The following ARHGEF19 variants were observed in gnomAD, a reference collection of about 807,000 sequenced individuals.
ARHGEF19 encodes the protein Rho guanine nucleotide exchange factor (GEF) 19.
ARHGEF19 carries 92 observed loss-of-function variants against 87.6 expected under a neutral mutation model. The ratio of observed to expected loss-of-function variants is 1.05; its 90% CI spans 0.89 to 1.25. ARHGEF19 has a LOEUF of 1.25. Ranked by LOEUF, ARHGEF19 falls within the 50% of genes most tolerant of loss-of-function variation. ARHGEF19 has a pLI of 0.00. For synonymous variants in ARHGEF19, 438 were observed against 446.2 expected, an observed-to-expected ratio of 0.98 and a Z score of 0.23; for missense variants, 1,054 against 1,051.8, an observed-to-expected ratio of 1.00 and a Z score of -0.03.
In ARHGEF19 at chr1:16,201,789, C is replaced by G. The variant is rs113595914; in HGVS notation, c.2139G>C (p.Glu713Asp). ...SPQEDKEVISEGEDCPQVQCV... is the reference protein window; with the variant it reads ...SPQEDKEVISDGEDCPQVQCV... ...GCAGGGATGAGCTACTACCTTCCCC[C>G]TCACTGATGACCTCCTTGTCCTCCT... is the stretch of plus-strand genomic sequence containing the variant. The change falls in exon 14 of 16, where the codon GAG becomes GAC. Residue 713 changes from glutamate (E) to aspartate (D), a missense_variant. Physicochemically the swap from Glu to Asp is conservative, Grantham distance 45 (BLOSUM62 2). Coordinates refer to ENST00000270747, the MANE Select transcript of ARHGEF19 (RefSeq NM_153213.5). The G allele has an allele frequency of 6.2e-7, 1 of 1,613,716 alleles. No individual in the cohort carries two copies. Among genetic ancestry groups the G allele is most frequent in the Non-Finnish European group, 8.5e-7 (1 of 1,179,760 alleles).
At position 16,199,149 on chromosome 1, in the gene ARHGEF19, C is replaced by T. The variant is rs1050612302; in HGVS notation, c.2251+1G>A. 16 of 1,614,004 alleles carry T rather than the reference C, an allele frequency of 9.9e-6. No homozygotes were observed. The highest frequency in any genetic ancestry group is 1.4e-5 in the Non-Finnish European group (16 of 1,179,922). On this transcript the variant is annotated splice_donor_variant, in intron 15 of 15. Coordinates refer to ENST00000270747, the MANE Select transcript of ARHGEF19 (RefSeq NM_153213.5). LOFTEE classifies it high-confidence loss of function. Reference sequence around the variant, plus strand: ...GACACTTTCCCAGGAGGCCCCCTCACCGTCACTGGTCCAGGTCCTCACTGA... The same window carrying T: ...GACACTTTCCCAGGAGGCCCCCTCATCGTCACTGGTCCAGGTCCTCACTGA...
At position 16,206,950 on chromosome 1, in the gene ARHGEF19, C is replaced by T; in HGVS notation, c.1135G>A (p.Glu379Lys). Residue 379 changes from glutamate (E) to lysine (K), a missense_variant and splice_region_variant, in exon 6 of 16, where the codon GAG becomes AAG. By Grantham distance (56) the Glu-to-Lys change is moderately conservative. Transcript: ENST00000270747. This position sits in a 1 kb window ranked among gnomAD's most constrained non-coding sequence, Gnocchi z 4.6. The stretch of plus-strand genomic sequence containing the variant: ...GCCGGGTCCCCGCGCGCGCCCACCT[C>T]CTGCAGCTTGCAGTCCCGCAGGCTC... Reference protein sequence around the residue: ...TLSLRDCKLQEAKFELITSEA... With the variant: ...TLSLRDCKLQKAKFELITSEA... 6.7e-7 allele frequency: 1 copy of T among 1,489,294 alleles called. No individual in the cohort carries two copies. Among genetic ancestry groups the T allele is most frequent in the South Asian group, 1.3e-5 (1 of 79,022 alleles). 92.3% of individuals were successfully genotyped at this position (1,489,294 alleles called of 1,614,324 possible).
chr1:16,207,902 C>CCGCCACA lies in ARHGEF19; in HGVS notation c.694+41_694+42insTGTGGCG. 1 of 1,574,838 alleles carries CCGCCACA rather than the reference C, an allele frequency of 6.3e-7. No individual in the cohort carries two copies. The highest frequency in any genetic ancestry group is 8.6e-7 in the Non-Finnish European group (1 of 1,159,220). On this transcript the variant is annotated intron_variant, in intron 3 of 15. Coordinates refer to ENST00000270747, the MANE Select transcript of ARHGEF19 (RefSeq NM_153213.5). This position sits in a 1 kb window ranked among gnomAD's most constrained non-coding sequence, Gnocchi z 4.0. The stretch of plus-strand genomic sequence containing the variant: ...GGCATCGCCCACCCCCACCCCCACC[C>CCGCCACA]GGCATCTGGCTGCCCTCAGGGCCCA...
chr1:16,200,543 G>A (rs948746523), intron 14 of ARHGEF19, among the ~76,000 whole-genome samples: 32 of 152,242 alleles, frequency 2.1e-4, no homozygotes, highest in African/African-American at 7.7e-4. Flanking sequence ...AGGAGTTCGA[G>A]ACCAGCCATG....
At position 16,207,257 on chromosome 1, in the gene ARHGEF19, C is replaced by A; in HGVS notation, c.875-47G>T. 1 of 1,467,046 alleles carries A rather than the reference C, an allele frequency of 6.8e-7. No homozygotes were observed. The allele number at this position is 1,467,046 out of a possible 1,614,324, so 90.9% of individuals were successfully genotyped here. On this transcript the variant is annotated intron_variant, in intron 5 of 15. Coordinates refer to ENST00000270747, the MANE Select transcript of ARHGEF19 (RefSeq NM_153213.5). This position sits in a 1 kb window ranked among gnomAD's most constrained non-coding sequence, Gnocchi z 4.0. ...GAGAGCGTGGGGCGCCCGCCAGCCC[C>A]TGCCCGGCTTTTCCTCGGTTCCCTC...
intron 1 of ARHGEF19, among the ~76,000 whole-genome samples, chr1:16,210,825 A>G (rs925935641): frequency 1.3e-5 from 2 of 152,170 alleles, no homozygotes; most frequent in African/African-American, 2.4e-5. Context: ...TACATAGTGC[A>G]CTTAGAGGGA....
intron 1 of ARHGEF19, among the ~76,000 whole-genome samples, chr1:16,210,679 T>C (rs74054956): frequency 0.062 from 9,397 of 152,068 alleles, 958 homozygotes; most frequent in African/African-American, 0.21. Context: ...GAGCCAAAAA[T>C]GAAAACAGTT....
Position 16,206,524 on chromosome 1 carries a change from T to G in ARHGEF19, c.1138-184A>C. On this transcript the variant is annotated intron_variant, in intron 6 of 15. Transcript: ENST00000270747. The surrounding 1 kb of genome is among the most constrained non-coding windows in gnomAD (Gnocchi z 4.6). ...CCGCCGCGGGAAATTGTGCAAGCCT[T>G]TCCTGTCCTCGATCCCGCCCCTCTC... is the stretch of plus-strand genomic sequence containing the variant. 1 of 663,004 alleles carries G rather than the reference T, an allele frequency of 1.5e-6. No homozygotes were observed. Among genetic ancestry groups the G allele is most frequent in the Non-Finnish European group, 2.6e-6 (1 of 383,150 alleles). 41.1% of individuals were successfully genotyped at this position (663,004 alleles called of 1,614,324 possible). A position where few individuals can be genotyped will look rare whatever the true frequency, so the allele number is the denominator to read the frequency against.
chr1:16,207,038 G>A lies in ARHGEF19; in HGVS notation c.1047C>T (p.Gly349=). ...TATCCTGCCACAGCGAGAAGGTGGA[G>A]CCTCGCGCCGAGCGCTGCGCCCGGA... ...SSFRAQRSAR[G]STFSLWQDIP... The change falls in exon 6 of 16, where the codon GGC becomes GGT. Residue 349 remains glycine (G), a synonymous_variant. Transcript: ENST00000270747. This position sits in a 1 kb window ranked among gnomAD's most constrained non-coding sequence, Gnocchi z 4.0. 6.6e-7 allele frequency: 1 copy of A among 1,510,674 alleles called. No individual in the cohort carries two copies. The highest frequency in any genetic ancestry group is 1.2e-5 in the South Asian group (1 of 80,316). 93.6% of individuals were successfully genotyped at this position (1,510,674 alleles called of 1,614,324 possible). A position where few individuals can be genotyped will look rare whatever the true frequency, so the allele number is the denominator to read the frequency against.
In ARHGEF19 at chr1:16,201,715, G is replaced by T. The variant is rs906104030; in HGVS notation, c.2146+67C>A. The T allele has an allele frequency of 1.3e-5, 20 of 1,534,530 alleles. No homozygotes were observed. In the African/African-American group the frequency reaches 2.6e-4, roughly 20 times the overall value. On this transcript the variant is annotated intron_variant, in intron 14 of 15. Transcript: ENST00000270747. ...GCCCTGCCAGCAACACAGCACCCAG[G>T]ATGGGAGGGGAGGAGAGCGGGCGAG...
At position 16,205,985 on chromosome 1, in the gene ARHGEF19, T is replaced by C. The variant is rs779025536; in HGVS notation, c.1397A>G (p.Tyr466Cys). The C allele has an allele frequency of 3.1e-6, 5 of 1,610,944 alleles. No individual in the cohort carries two copies. Among genetic ancestry groups the C allele is most frequent in the East Asian group, 4.5e-5 (2 of 44,792 alleles). Residue 466 changes from tyrosine to cysteine, a missense_variant, in exon 8 of 16, where the codon TAC becomes TGC. Transcript: ENST00000270747. This position sits in a 1 kb window ranked among gnomAD's most constrained non-coding sequence, Gnocchi z 5.8. Reference sequence around the variant, plus strand: ...GGCCTGGTTGGTGACATAGGGCAGGTAGACTCTGCGGAAGGCCGGGCAGTG... The same window carrying C: ...GGCCTGGTTGGTGACATAGGGCAGGCAGACTCTGCGGAAGGCCGGGCAGTG... The part of the protein sequence containing the change: ...LDHCPAFRRV[Y>C]LPYVTNQAYQ...
chr1:16,207,393 T>C lies in ARHGEF19; in HGVS notation c.874+129A>G. 1 of 1,357,236 alleles carries C rather than the reference T, an allele frequency of 7.4e-7. No individual in the cohort carries two copies. The highest frequency in any genetic ancestry group is 1.4e-5 in the South Asian group (1 of 72,268). 84.1% of individuals were successfully genotyped at this position (1,357,236 alleles called of 1,614,324 possible). On this transcript the variant is annotated intron_variant, in intron 5 of 15. Coordinates refer to ENST00000270747, the MANE Select transcript of ARHGEF19 (RefSeq NM_153213.5). The surrounding 1 kb of genome is among the most constrained non-coding windows in gnomAD (Gnocchi z 4.0). ...AATTGAGCACCTACTGAGTGCTAGATACCGACAGTTCCATTCTCCGTTTCT... is the reference window on the plus strand; with the variant it reads ...AATTGAGCACCTACTGAGTGCTAGACACCGACAGTTCCATTCTCCGTTTCT...
rs537365080 is a variant in ARHGEF19, at chr1:16,208,344, C to T, written c.413-119G>A. ...CAGGCACCATGCCCAAGGGAAGGGC[C>T]TGTGTTTCTGCTAGCATCTGGTCCC... is the stretch of plus-strand genomic sequence containing the variant. On this transcript the variant is annotated intron_variant, in intron 2 of 15. Coordinates refer to ENST00000270747, the MANE Select transcript of ARHGEF19 (RefSeq NM_153213.5). The T allele has an allele frequency of 9.3e-6, 12 of 1,294,784 alleles. No individual in the cohort carries two copies. The East Asian group carries it at 1.8e-4, about 19-fold the overall frequency. 80.2% of individuals were successfully genotyped at this position (1,294,784 alleles called of 1,614,324 possible). A position where few individuals can be genotyped will look rare whatever the true frequency, so the allele number is the denominator to read the frequency against.
chr1:16,205,245 T>C lies in ARHGEF19; in HGVS notation c.1657-69A>G. 2 of 1,596,406 alleles carry C rather than the reference T, an allele frequency of 1.3e-6. No individual in the cohort carries two copies. Among genetic ancestry groups the C allele is most frequent in the Admixed American group, 3.5e-5 (2 of 57,356 alleles). ...GCTCCCAGAGCCCAGCCTCAGACTC[T>C]TGCCTGGGGACCGGAGACTCTGACA... On this transcript the variant is annotated intron_variant, in intron 10 of 15. Coordinates refer to ENST00000270747, the MANE Select transcript of ARHGEF19 (RefSeq NM_153213.5). This position sits in a 1 kb window ranked among gnomAD's most constrained non-coding sequence, Gnocchi z 5.8.
rs2081149772 is a variant in ARHGEF19, at chr1:16,207,344, ATTC to A, written c.875-137_875-135del. 3.8e-6 allele frequency: 5 copies of A among 1,327,170 alleles called. No homozygotes were observed. The African/African-American group carries it at 4.4e-5, about 12-fold the overall frequency. 82.2% of individuals were successfully genotyped at this position (1,327,170 alleles called of 1,614,324 possible). On this transcript the variant is annotated intron_variant, in intron 5 of 15. Transcript: ENST00000270747. This position sits in a 1 kb window ranked among gnomAD's most constrained non-coding sequence, Gnocchi z 4.0. ...ATATCTGGACACAGTGAATTCATTC[ATTC>A]ATTCATTCATTCCATAAACAAATTG...
Position 16,206,985 on chromosome 1 carries a change from A to C in ARHGEF19, c.1100T>G (p.Leu367Arg). 6.6e-7 allele frequency: 1 copy of C among 1,508,738 alleles called. No individual in the cohort carries two copies. Among genetic ancestry groups the C allele is most frequent in the Non-Finnish European group, 8.8e-7 (1 of 1,133,394 alleles). The allele number at this position is 1,508,738 out of a possible 1,614,324, so 93.5% of individuals were successfully genotyped here. Residue 367 changes from leucine to arginine, a missense_variant, in exon 6 of 16, where the codon CTG becomes CGG. Leu to Arg is a moderately radical substitution (Grantham distance 102). Transcript: ENST00000270747. The surrounding 1 kb of genome is among the most constrained non-coding windows in gnomAD (Gnocchi z 4.6). ...GCAGTCCCGCAGGCTCAGCGTGGCC[A>C]GGACGCCGCTGCCGCGTACGTCGGG... ...DIPDVRGSGV[L>R]ATLSLRDCKL...
intron 12 of ARHGEF19, among the ~76,000 whole-genome samples, chr1:16,202,815 G>A (rs1158250556): frequency 1.3e-5 from 2 of 152,190 alleles, no homozygotes; most frequent in African/African-American, 4.8e-5. Context: ...TGAGCCCCAA[G>A]CACACTTTTG....
At position 16,206,893 on chromosome 1, in the gene ARHGEF19, G is replaced by A. The variant is rs1471976124; in HGVS notation, c.1137+55C>T. 20 of 1,392,670 alleles carry A rather than the reference G, an allele frequency of 1.4e-5. No individual in the cohort carries two copies. Among genetic ancestry groups the A allele is most frequent in the Non-Finnish European group, 1.8e-5 (20 of 1,082,962 alleles). The allele number at this position is 1,392,670 out of a possible 1,614,324, so 86.3% of individuals were successfully genotyped here. On this transcript the variant is annotated intron_variant, in intron 6 of 15. Transcript: ENST00000270747. This position sits in a 1 kb window ranked among gnomAD's most constrained non-coding sequence, Gnocchi z 4.6. ...ATGGCCCGGTTCCCGCTAAGTCCCC[G>A]GACCGCGTACTCCCCGGCCCGCCCC...
Position 16,206,591 on chromosome 1 carries a change from C to CA in ARHGEF19, c.1138-252_1138-251insT. 2 of 449,176 alleles carry CA rather than the reference C, an allele frequency of 4.5e-6. No individual in the cohort carries two copies. The highest frequency in any genetic ancestry group is 7.7e-6 in the Non-Finnish European group (2 of 259,210). The allele number at this position is 449,176 out of a possible 1,614,324, so 27.8% of individuals were successfully genotyped here. On this transcript the variant is annotated intron_variant, in intron 6 of 15. Coordinates refer to ENST00000270747, the MANE Select transcript of ARHGEF19 (RefSeq NM_153213.5). This position sits in a 1 kb window ranked among gnomAD's most constrained non-coding sequence, Gnocchi z 4.6. ...CGCGTTCTTCCCAGAGCCCCGCCCA[C>CA]CCCCCAGGTCCCGCCCCTGATCCTG...
Sources: gnomAD v4.1 joint callset for allele counts (sites outside exome capture counted in the v4.1 genomes callset) on GRCh38, gnomAD v4.1.1 for gene constraint, Gnocchi (gnomAD v3.1) non-coding constraint, MANE v1.5 for transcripts, NCBI Gene and HGNC (gene_info 2026-07-23, HGNC 2026-07-21) for gene names.